Variants in SYN3 observed in about 807,000 individuals in gnomAD.
The protein encoded by SYN3 is synapsin-3.
SYN3 carries 35 observed loss-of-function variants against 65.8 expected under a neutral mutation model. The ratio of observed to expected loss-of-function variants is 0.53; its 90% CI spans 0.41 to 0.70. The LOEUF (loss-of-function observed/expected upper bound fraction) is 0.70, where lower values mean the gene tolerates loss of function less well. SYN3 is among the 30% of genes least tolerant of loss of function. The pLI is 0.00. For synonymous variants in SYN3, 270 were observed against 292.9 expected (o/e 0.92, Z 0.80); for missense variants, 680 against 749.0 (o/e 0.91, Z 1.08).
intron 6 of SYN3, among the ~76,000 whole-genome samples, chr22:32,782,040 A>G (rs943708130): frequency 2.0e-5 from 3 of 151,880 alleles, no homozygotes; most frequent in South Asian, 4.2e-4. Context: ...ATTCCATAGT[A>G]AGAAGGAAAC....
At chr22:32,676,030 GAGCACTCTTCCAGCCCCA>G (rs2060435434) in intron 6 of SYN3, among the ~76,000 whole-genome samples, 1 of 151,452 alleles carries the variant, frequency 6.6e-6, no homozygotes, top group East Asian at 1.9e-4. Context: ...CAGTGGTCCA[GAGCACTCTTCCAGCCCCA>G]GGATGAACTC....
chr22:32,795,563 GT>G (rs2046410946), intron 6 of SYN3, among the ~76,000 whole-genome samples: 1 of 152,232 alleles, frequency 6.6e-6, no homozygotes. Flanking sequence ...GAGGGACACT[GT>G]TGCTTGCAGT....
At chr22:32,932,335 A>G (rs969356257) in intron 3 of SYN3, among the ~76,000 whole-genome samples, 1 of 150,946 alleles carries the variant, frequency 6.6e-6, no homozygotes, top group African/African-American at 2.4e-5. Flanking sequence ...GTTCATTGAC[A>G]TACTGCCCTT....
chr22:32,721,415 A>T (rs914614304), intron 6 of SYN3, among the ~76,000 whole-genome samples: 2 of 151,208 alleles, frequency 1.3e-5, no homozygotes. Flanking sequence ...CTTCAATAAA[A>T]CCCCCAGAAA....
chr22:32,962,167 C>T (rs112945091), intron 3 of SYN3, among the ~76,000 whole-genome samples: 6,784 of 126,536 alleles, frequency 0.054, 590 homozygotes, highest in African/African-American at 0.19. Context: ...GACAGAGTCT[C>T]GTTCTGTCGC....
At chr22:32,806,492 A>T (rs135025) in intron 6 of SYN3, among the ~76,000 whole-genome samples, 1,700 of 152,052 alleles carry the variant, frequency 0.011, 37 homozygotes, top group African/African-American at 0.038. Flanking sequence ...ACCTTTTGTC[A>T]TAGTCTACTC....
chr22:32,688,185 C>G lies in SYN3; in HGVS notation c.712-91449G>C, dbSNP rs751433670. On this transcript the variant is annotated intron_variant, in intron 6 of 13. Transcript: ENST00000358763. Reference sequence around the variant, plus strand: ...TAATGTCCAGTGGTACCTTCAACCCCACTTCCATGTTGGGCATGTTCAGAT... The same window carrying G: ...TAATGTCCAGTGGTACCTTCAACCCGACTTCCATGTTGGGCATGTTCAGAT... Among the ~76,000 whole-genome samples the G allele has an allele frequency of 1.6e-3, 250 of 152,270 alleles. 1 individual carries two copies. Among genetic ancestry groups the G allele is most frequent in the Admixed American group, 4.3e-3 (66 of 15,294 alleles).
intron 5 of SYN3, among the ~76,000 whole-genome samples, chr22:32,866,833 A>G (rs2048699886): frequency 6.6e-6 from 1 of 152,216 alleles, no homozygotes; most frequent in African/African-American, 2.4e-5. Flanking sequence ...AAATTAATGC[A>G]TGTAGCCATT....
At chr22:32,799,453 A>AACTGCT (rs1306082203) in intron 6 of SYN3, among the ~76,000 whole-genome samples, 4 of 152,222 alleles carry the variant, frequency 2.6e-5, no homozygotes, top group Non-Finnish European at 5.9e-5. Context: ...TCTATGAGAA[A>AACTGCT]ACTGCTGCTT....
chr22:32,961,994 T>A (rs2051668709), intron 3 of SYN3, among the ~76,000 whole-genome samples: 2 of 152,110 alleles, frequency 1.3e-5, no homozygotes, highest in African/African-American at 4.8e-5. Flanking sequence ...TGATCCCGGG[T>A]ACAGCTCTGT....
chr22:32,956,849 C>A (rs2051479997), intron 3 of SYN3, among the ~76,000 whole-genome samples: 1 of 152,212 alleles, frequency 6.6e-6, no homozygotes, highest in Non-Finnish European at 1.5e-5. Context: ...TTTGAAGGAA[C>A]TGCCATACTG....
At chr22:32,665,446 T>C (rs1246523908) in intron 6 of SYN3, among the ~76,000 whole-genome samples, 2 of 152,060 alleles carry the variant, frequency 1.3e-5, no homozygotes, top group African/African-American at 2.4e-5. Flanking sequence ...CAAATACCAT[T>C]ATTTTATTCC....
At chr22:32,574,224 C>T (rs960241196) in intron 7 of SYN3, among the ~76,000 whole-genome samples, 4 of 151,978 alleles carry the variant, frequency 2.6e-5, no homozygotes, top group African/African-American at 9.7e-5. Context: ...CTCACACCCA[C>T]AATCCCAGCC....
chr22:32,594,401 G>A (rs1050142618), intron 7 of SYN3, among the ~76,000 whole-genome samples: 15 of 152,156 alleles, frequency 9.9e-5, no homozygotes, highest in African/African-American at 3.1e-4. Context: ...AGAGAAGTTA[G>A]ATGGTAACTC....
At chr22:32,524,623 C>T (rs1484909386) in intron 12 of SYN3, among the ~76,000 whole-genome samples, 1 of 152,216 alleles carries the variant, frequency 6.6e-6, no homozygotes, top group African/African-American at 2.4e-5. Flanking sequence ...TGGAGATGTA[C>T]AAGATAATTT....
intron 7 of SYN3, among the ~76,000 whole-genome samples, chr22:32,575,575 C>T (rs981656736): frequency 1.2e-4 from 18 of 152,188 alleles, no homozygotes; most frequent in Non-Finnish European, 2.1e-4. Flanking sequence ...CAGCATTTTC[C>T]GACCACAACT....
At chr22:32,514,933 A>G (rs947773924) in intron 13 of SYN3, among the ~76,000 whole-genome samples, 5 of 152,054 alleles carry the variant, frequency 3.3e-5, no homozygotes, top group Admixed American at 6.5e-5. Context: ...GGAGAATGGC[A>G]TGAATCCTTG....
chr22:32,649,060 C>T (rs1471778875), intron 6 of SYN3, among the ~76,000 whole-genome samples: 1 of 152,192 alleles, frequency 6.6e-6, no homozygotes, highest in Non-Finnish European at 1.5e-5. Flanking sequence ...GTATCAATAC[C>T]TGTTGTCAGG....
At chr22:33,036,011 T>C (rs2053853269) in intron 1 of SYN3, among the ~76,000 whole-genome samples, 1 of 152,196 alleles carries the variant, frequency 6.6e-6, no homozygotes, top group Non-Finnish European at 1.5e-5. Context: ...ACTCTTCCTT[T>C]ACTCCTTTTT....
Sources: gnomAD v4.1 joint callset for allele counts (sites outside exome capture counted in the v4.1 genomes callset) on GRCh38, gnomAD v4.1.1 for gene constraint, MANE v1.5 for transcripts, NCBI Gene and HGNC (gene_info 2026-07-23, HGNC 2026-07-21) for gene names.